HOXD3: variants seen among roughly 807,000 people sequenced by gnomAD.
HOXD3 encodes homeobox D3, also known as homeobox protein Hox-D3.
HOXD3 carries 13 observed loss-of-function variants against 32.8 expected under a neutral mutation model. The ratio of observed to expected loss-of-function variants is 0.40; its 90% CI spans 0.26 to 0.63. HOXD3 has a LOEUF of 0.63. Ranked by LOEUF, HOXD3 falls within the 20% of genes least tolerant of loss-of-function variation. The probability of loss-of-function intolerance (pLI) is 0.44; values close to 1 mark genes in which losing one functional copy is unlikely to be tolerated. For missense variants in HOXD3, 504 were observed against 577.1 expected (o/e 0.87, Z 1.30); for synonymous variants, 241 against 246.8 (o/e 0.98, Z 0.22).
chr2:176,157,132 C>T (rs1173262092), upstream of HOXD3, among the ~76,000 whole-genome samples: 1 of 152,276 alleles, frequency 6.6e-6, no homozygotes, highest in South Asian at 2.1e-4. Context: ...TGTTGGGGAG[C>T]CCTCCCTGCC....
At position 176,172,127 on chromosome 2, in the gene HOXD3, G is replaced by T. The variant is rs752973597; in HGVS notation, c.1152G>T (p.Ser384=). Reference sequence around the variant, plus strand: ...TGGGCCACCTCTCGCACCCGTCGTCGGCCAGCGTGGACTACAGTTGCGCCG... The same window carrying T: ...TGGGCCACCTCTCGCACCCGTCGTCTGCCAGCGTGGACTACAGTTGCGCCG... The part of the protein sequence containing the change: ...FNLGHLSHPS[S]ASVDYSCAAQ... Residue 384 remains serine, a synonymous_variant, in exon 4 of 4, where the codon TCG becomes TCT. Coordinates refer to ENST00000683222, the MANE Select transcript of HOXD3 (RefSeq NM_006898.5). The T allele has an allele frequency of 1.2e-6, 2 of 1,612,964 alleles. No individual in the cohort carries two copies. Among genetic ancestry groups the T allele is most frequent in the Non-Finnish European group, 1.7e-6 (2 of 1,179,994 alleles).
chr2:176,169,520 G>A lies in HOXD3; in HGVS notation c.406G>A (p.Gly136Ser). The A allele has an allele frequency of 6.2e-7, 1 of 1,614,070 alleles. No homozygotes were observed. Among genetic ancestry groups the A allele is most frequent in the Non-Finnish European group, 8.5e-7 (1 of 1,180,018 alleles). The change falls in exon 3 of 4, where the codon GGT becomes AGT. Residue 136 changes from glycine to serine, a missense_variant. Coordinates refer to ENST00000683222, the MANE Select transcript of HOXD3 (RefSeq NM_006898.5). ...CCCATCTTCACCCACCAATCCTGGA[G>A]GTGGAGTGCCTGCCAAGAAGCCCAA... ...LPPSSPTNPGGGVPAKKPKGG... is the reference protein window; with the variant it reads ...LPPSSPTNPGSGVPAKKPKGG...
chr2:176,172,551 A>C lies in HOXD3; in HGVS notation c.*277A>C. 2.2e-6 allele frequency: 1 copy of C among 460,746 alleles called. No homozygotes were observed. 28.5% of individuals were successfully genotyped at this position (460,746 alleles called of 1,614,324 possible). ...CGGACCAAGGGACTCCAATCTGGTA[A>C]TGGTGTCCCAAAGGTAAGTCTGAGA... On this transcript the variant is annotated 3_prime_UTR_variant, in exon 4 of 4. Coordinates refer to ENST00000683222, the MANE Select transcript of HOXD3 (RefSeq NM_006898.5).
At chr2:176,167,687 T>C (rs1003970734) in intron 2 of HOXD3, among the ~76,000 whole-genome samples, 1 of 7,840 alleles carries the variant, frequency 1.3e-4, no homozygotes, top group Non-Finnish European at 1.8e-4. Flanking sequence ...GGGGAGACCC[T>C]TTTTTTTTTT....
intron 2 of HOXD3, among the ~76,000 whole-genome samples, chr2:176,167,394 T>C (rs908062508): frequency 2.6e-5 from 4 of 152,230 alleles, no homozygotes; most frequent in African/African-American, 9.6e-5. Flanking sequence ...CATTTCAAAT[T>C]CTAGATCTCT....
chr2:176,166,370 G>T (rs1461529341), intron 2 of HOXD3, among the ~76,000 whole-genome samples: 4 of 152,180 alleles, frequency 2.6e-5, no homozygotes, highest in African/African-American at 7.2e-5. Flanking sequence ...GCAGGAGGGT[G>T]AATGTTTTGC....
At chr2:176,161,289 C>T (rs2105435562) in intron 1 of HOXD3, among the ~76,000 whole-genome samples, 1 of 152,274 alleles carries the variant, frequency 6.6e-6, no homozygotes, top group East Asian at 1.9e-4. Flanking sequence ...GGGACGTTCC[C>T]CGCCTACCAA....
At chr2:176,165,695 G>A (rs1236179834) in intron 2 of HOXD3, 1 of 152,408 alleles carries the variant, frequency 6.6e-6, no homozygotes, top group Non-Finnish European at 1.5e-5. Flanking sequence ...GGGCAGCTGA[G>A]GACTTGGAAG....
chr2:176,169,555 C>T lies in HOXD3; in HGVS notation c.441C>T (p.Pro147=). Residue 147 remains proline (P), a synonymous_variant, in exon 3 of 4, where the codon CCC becomes CCT. Transcript: ENST00000683222. ...CTGCCAAGAAGCCCAAAGGTGGGCC[C>T]AATGCTTCTAGCTCCTCAGCCACCA... ...GVPAKKPKGG[P]NASSSSATIS... The T allele has an allele frequency of 6.2e-7, 1 of 1,614,026 alleles. No homozygotes were observed. Among genetic ancestry groups the T allele is most frequent in the Non-Finnish European group, 8.5e-7 (1 of 1,180,014 alleles).
chr2:176,158,362 A>G (rs540519122), intron 1 of HOXD3, among the ~76,000 whole-genome samples: 15 of 152,232 alleles, frequency 9.9e-5, no homozygotes, highest in Admixed American at 4.6e-4. Flanking sequence ...GGGTGTCCTA[A>G]GAGCCACTCC....
upstream of HOXD3, chr2:176,152,540 G>A (rs2105423503): frequency 4.4e-6 from 6 of 1,348,496 alleles, no homozygotes; most frequent in South Asian, 1.2e-5. The surrounding 1 kb of genome is among the most constrained non-coding windows in gnomAD (Gnocchi z 5.2). Flanking sequence ...GGAAGTGAGC[G>A]GCGGAGGCGA....
chr2:176,160,309 T>G (rs1690760353), intron 1 of HOXD3, among the ~76,000 whole-genome samples: 1 of 152,168 alleles, frequency 6.6e-6, no homozygotes, highest in South Asian at 2.1e-4. Flanking sequence ...TTCTAAAATT[T>G]CCAGCTCCCG....
chr2:176,152,611 A>G, upstream of HOXD3: 1 of 1,613,226 alleles, frequency 6.2e-7, no homozygotes, highest in Non-Finnish European at 8.5e-7. The surrounding 1 kb of genome is among the most constrained non-coding windows in gnomAD (Gnocchi z 5.2). Context: ...CTCGCAGTGA[A>G]CCCCAACTAC....
At chr2:176,159,971 G>A (rs1690745947) in intron 1 of HOXD3, among the ~76,000 whole-genome samples, 1 of 152,226 alleles carries the variant, frequency 6.6e-6, no homozygotes, top group South Asian at 2.1e-4. Context: ...AGGGGAGGTC[G>A]CTCTGGGTCC....
intron 1 of HOXD3, among the ~76,000 whole-genome samples, chr2:176,160,159 G>A (rs1438231669): frequency 6.6e-5 from 10 of 152,192 alleles, no homozygotes; most frequent in Non-Finnish European, 2.9e-5. Flanking sequence ...GAGGAGCTGG[G>A]CGTCGGCCTC....
chr2:176,152,834 C>T (rs748948876), upstream of HOXD3: 53 of 1,614,080 alleles, frequency 3.3e-5, no homozygotes, highest in Admixed American at 2.5e-4. The surrounding 1 kb of genome is among the most constrained non-coding windows in gnomAD (Gnocchi z 5.2). Flanking sequence ...ACACTAAAGG[C>T]AGGTCATCGT....
chr2:176,170,387 G>T (rs911397193), intron 3 of HOXD3, among the ~76,000 whole-genome samples: 2 of 152,140 alleles, frequency 1.3e-5, no homozygotes, highest in Non-Finnish European at 2.9e-5. Flanking sequence ...AACAGCCTTG[G>T]ATTTCTCTAA....
chr2:176,153,131 T>G (rs1574974310), upstream of HOXD3: 10 of 347,152 alleles, frequency 2.9e-5, no homozygotes, highest in East Asian at 2.4e-4. Flanking sequence ...GGGATGGGGA[T>G]GGGAGGGGGG....
chr2:176,161,318 C>G (rs931336338), intron 1 of HOXD3, among the ~76,000 whole-genome samples: 1 of 152,114 alleles, frequency 6.6e-6, no homozygotes, highest in African/African-American at 2.4e-5. Context: ...GAGGACACTA[C>G]CTTGCCAGGC....
Sources: gnomAD v4.1 joint callset for allele counts (sites outside exome capture counted in the v4.1 genomes callset) on GRCh38, gnomAD v4.1.1 for gene constraint, Gnocchi (gnomAD v3.1) non-coding constraint, MANE v1.5 for transcripts, NCBI Gene and HGNC (gene_info 2026-07-23, HGNC 2026-07-21) for gene names.